Variants in SDCCAG8 observed in about 807,000 individuals in gnomAD.
SDCCAG8 encodes the protein SHH signaling and ciliogenesis regulator SDCCAG8.
A neutral mutation model predicts 101.8 loss-of-function variants in SDCCAG8; 74 were observed. The observed-to-expected ratio is 0.73, with a 90% CI of 0.60 to 0.88. The LOEUF (loss-of-function observed/expected upper bound fraction) is 0.88, where lower values mean the gene tolerates loss of function less well. Ranked by LOEUF, SDCCAG8 falls within the 40% of genes least tolerant of loss-of-function variation. The pLI, the probability that SDCCAG8 is intolerant of heterozygous loss-of-function variation, is 0.00. For synonymous variants in SDCCAG8, 281 were observed against 292.9 expected (o/e 0.96, Z 0.41); for missense variants, 787 against 822.6 (o/e 0.96, Z 0.53).
chr1:243,465,354 C>G (rs1316310805), intron 16 of SDCCAG8, among the ~76,000 whole-genome samples: 1 of 152,172 alleles, frequency 6.6e-6, no homozygotes, highest in African/African-American at 2.4e-5. Flanking sequence ...CAGTAGCGAG[C>G]CAGGAGAACC....
At chr1:243,364,505 G>C (rs1416771334) in intron 12 of SDCCAG8, among the ~76,000 whole-genome samples, 5 of 152,108 alleles carry the variant, frequency 3.3e-5, no homozygotes, top group Admixed American at 3.3e-4. Flanking sequence ...ACAGAAACTG[G>C]GTAGGTAGGT....
chr1:243,470,516 A>G (rs1482567798), intron 16 of SDCCAG8, among the ~76,000 whole-genome samples: 1 of 136,278 alleles, frequency 7.3e-6, no homozygotes, highest in Non-Finnish European at 1.5e-5. Flanking sequence ...AGCCTGTCTC[A>G]CTGGGGGCTG....
chr1:243,434,506 C>T (rs945804768), intron 16 of SDCCAG8, among the ~76,000 whole-genome samples: 4 of 152,156 alleles, frequency 2.6e-5, no homozygotes, highest in African/African-American at 9.7e-5. Context: ...TTGAAATGTT[C>T]CGTTATCCCT....
intron 17 of SDCCAG8, among the ~76,000 whole-genome samples, chr1:243,492,504 A>G (rs890808053): frequency 1.4e-5 from 2 of 147,924 alleles, no homozygotes; most frequent in Admixed American, 6.7e-5. Flanking sequence ...GGGTTTCGCC[A>G]TGTTGGCCAG....
At chr1:243,361,627 G>A (rs1057122626) in intron 12 of SDCCAG8, among the ~76,000 whole-genome samples, 1 of 152,070 alleles carries the variant, frequency 6.6e-6, no homozygotes, top group Non-Finnish European at 1.5e-5. Context: ...TGGAGCCTCC[G>A]TGGTTTGCCT....
intron 17 of SDCCAG8, among the ~76,000 whole-genome samples, chr1:243,495,673 TGTAGAGGA>T (rs1359306891): frequency 6.6e-6 from 1 of 152,174 alleles, no homozygotes. Context: ...CCCTCGGCTC[TGTAGAGGA>T]GTGCTCCCTT....
rs373547367 is a variant in SDCCAG8, at chr1:243,488,838, C to T, written c.1986-176C>T. Among the ~76,000 whole-genome samples the T allele has an allele frequency of 1.3e-4, 20 of 152,314 alleles. No individual in the cohort carries two copies. The South Asian group carries it at 3.5e-3, about 27-fold the overall frequency. ...CCACGCACATTTGCTAGAATGTTAC[C>T]TTCACACAGTGCGTACCAAGGACCT... On this transcript the variant is annotated intron_variant, in intron 16 of 17. Transcript: ENST00000366541.
intron 8 of SDCCAG8, 22 bp downstream of exon 8, chr1:243,308,199 C>G (rs200991111): frequency 6.2e-7 from 1 of 1,613,400 alleles, no homozygotes; most frequent in Non-Finnish European, 8.5e-7. Context: ...TCTACGCGCA[C>G]GGAGACTTTG....
At chr1:243,482,632 G>T (rs975108480) in intron 16 of SDCCAG8, among the ~76,000 whole-genome samples, 41 of 152,124 alleles carry the variant, frequency 2.7e-4, no homozygotes, top group Non-Finnish European at 5.3e-4. Context: ...CTGGGTGCAG[G>T]CTCCCTCAAG....
intron 1 of SDCCAG8, among the ~76,000 whole-genome samples, chr1:243,261,983 T>C (rs2067228145): frequency 6.6e-6 from 1 of 151,464 alleles, no homozygotes; most frequent in African/African-American, 2.4e-5. Flanking sequence ...GCTAATTTTG[T>C]ATTTTTAGTA....
intron 16 of SDCCAG8, among the ~76,000 whole-genome samples, chr1:243,465,339 G>A (rs1377969022): frequency 2.0e-5 from 3 of 152,250 alleles, no homozygotes; most frequent in Non-Finnish European, 2.9e-5. Flanking sequence ...GCCTGGAGCT[G>A]GAGGCAGTAG....
chr1:243,387,966 T>A (rs565557377), intron 13 of SDCCAG8, among the ~76,000 whole-genome samples: 7 of 152,204 alleles, frequency 4.6e-5, no homozygotes, highest in Non-Finnish European at 1.0e-4. Flanking sequence ...TCTGCCTGCC[T>A]TAGCCTCCCA....
At chr1:243,440,090 C>T (rs928835070) in intron 16 of SDCCAG8, among the ~76,000 whole-genome samples, 3 of 152,202 alleles carry the variant, frequency 2.0e-5, no homozygotes, top group African/African-American at 7.2e-5. Flanking sequence ...AGTCCCACCA[C>T]TGAACCTGCT....
intron 16 of SDCCAG8, among the ~76,000 whole-genome samples, chr1:243,467,685 T>C (rs1020465644): frequency 5.9e-5 from 9 of 152,272 alleles, no homozygotes; most frequent in Non-Finnish European, 8.8e-5. Flanking sequence ...ACTATTCTCT[T>C]GATAAGAAAT....
At chr1:243,382,345 A>G (rs2078009160) in intron 13 of SDCCAG8, among the ~76,000 whole-genome samples, 1 of 152,206 alleles carries the variant, frequency 6.6e-6, no homozygotes, top group Non-Finnish European at 1.5e-5. Flanking sequence ...ATTGCAACCC[A>G]TGGGTCAAGT....
chr1:243,417,858 T>A, intron 14 of SDCCAG8, 110 bp from the exon 15 acceptor site: 1 of 782,542 alleles, frequency 1.3e-6, no homozygotes, highest in East Asian at 2.5e-5. Flanking sequence ...ATCTAGTGGC[T>A]TATTGGAAAT....
At chr1:243,361,156 C>G (rs549373236) in intron 12 of SDCCAG8, among the ~76,000 whole-genome samples, 5 of 152,178 alleles carry the variant, frequency 3.3e-5, no homozygotes, top group African/African-American at 1.2e-4. Context: ...TCTGCCCCCA[C>G]GACCACTTCA....
chr1:243,266,636 C>T (rs1306406858), intron 1 of SDCCAG8, among the ~76,000 whole-genome samples: 2 of 151,656 alleles, frequency 1.3e-5, no homozygotes, highest in Non-Finnish European at 1.5e-5. Context: ...TTTTATGAGA[C>T]AAAATATCAA....
chr1:243,292,406 A>G (rs1408156123), intron 5 of SDCCAG8, among the ~76,000 whole-genome samples: 2 of 152,232 alleles, frequency 1.3e-5, no homozygotes, highest in African/African-American at 4.8e-5. Flanking sequence ...CTAAGACCAA[A>G]TATTTTAACG....
Sources: gnomAD v4.1 joint callset for allele counts (sites outside exome capture counted in the v4.1 genomes callset) on GRCh38, gnomAD v4.1.1 for gene constraint, MANE v1.5 for transcripts, NCBI Gene and HGNC (gene_info 2026-07-23, HGNC 2026-07-21) for gene names.